Variants in PAPPA2 observed in about 807,000 individuals in gnomAD.
PAPPA2 encodes the protein pappalysin-2.
PAPPA2 carries 86 observed loss-of-function variants against 176.4 expected under a neutral mutation model. The observed-to-expected ratio is 0.49, with a 90% CI of 0.41 to 0.58. The LOEUF (loss-of-function observed/expected upper bound fraction) is 0.58. Among genes scored for constraint, PAPPA2 ranks in the 20% least tolerant of loss-of-function variants. The probability of loss-of-function intolerance (pLI) is 0.00; values close to 1 mark genes in which losing one functional copy is unlikely to be tolerated. For synonymous variants in PAPPA2, 809 were observed against 852.2 expected, an observed-to-expected ratio of 0.95 and a Z score of 0.88; for missense variants, 2,073 against 2,256.9, an observed-to-expected ratio of 0.92 and a Z score of 1.65.
chr1:176,771,213 A>G, intron 17 of PAPPA2, 33 bp downstream of exon 17: 1 of 1,590,054 alleles, frequency 6.3e-7, no homozygotes, highest in Non-Finnish European at 8.6e-7. Context: ...TTGGAGTTCT[A>G]CCTACCTCGC....
intron 17 of PAPPA2, among the ~76,000 whole-genome samples, chr1:176,777,486 A>C (rs1571312530): frequency 6.6e-6 from 1 of 152,190 alleles, no homozygotes; most frequent in African/African-American, 2.4e-5. Flanking sequence ...TTTTAGAATT[A>C]AACACATCCC....
chr1:176,535,727 AG>A (rs1018647527), intron 1 of PAPPA2, among the ~76,000 whole-genome samples: 26 of 152,332 alleles, frequency 1.7e-4, no homozygotes, highest in Admixed American at 7.8e-4. Flanking sequence ...GGCTTGGAAA[AG>A]TTTGTGTCAC....
At chr1:176,553,167 T>A (rs1651064370) in intron 1 of PAPPA2, among the ~76,000 whole-genome samples, 1 of 150,776 alleles carries the variant, frequency 6.6e-6, no homozygotes, top group South Asian at 2.1e-4. Context: ...ATTATTTGAA[T>A]CCAGCCCACC....
At chr1:176,793,738 T>C (rs1665293378) in intron 20 of PAPPA2, 69 bp downstream of exon 20, 3 of 1,243,994 alleles carry the variant, frequency 2.4e-6, no homozygotes, top group Non-Finnish European at 3.4e-6. Flanking sequence ...GCATTATTTT[T>C]TGGAGTAATT....
chr1:176,529,665 G>A (rs773662214), intron 1 of PAPPA2, among the ~76,000 whole-genome samples: 65 of 152,292 alleles, frequency 4.3e-4, no homozygotes, highest in Admixed American at 1.1e-3. Flanking sequence ...GTGCCCTGAC[G>A]TTGCATTCTC....
chr1:176,592,329 C>A (rs1653718404), intron 2 of PAPPA2, among the ~76,000 whole-genome samples: 1 of 152,118 alleles, frequency 6.6e-6, no homozygotes, highest in African/African-American at 2.4e-5. Context: ...AATAATACTT[C>A]TACATACTGG....
intron 3 of PAPPA2, among the ~76,000 whole-genome samples, chr1:176,613,281 T>C (rs1655032425): frequency 6.6e-6 from 1 of 152,228 alleles, no homozygotes; most frequent in Non-Finnish European, 1.5e-5. Flanking sequence ...TGCCACCAGG[T>C]AAATTCTGAA....
chr1:176,705,050 T>G (rs1660820148), intron 9 of PAPPA2, among the ~76,000 whole-genome samples: 1 of 152,152 alleles, frequency 6.6e-6, no homozygotes. Context: ...GTTGCCGACC[T>G]CCAAGATTAT....
intron 14 of PAPPA2, among the ~76,000 whole-genome samples, chr1:176,759,803 T>C (rs1399826384): frequency 6.6e-6 from 1 of 152,192 alleles, no homozygotes. Flanking sequence ...TATCTGCAAA[T>C]AATGATGTCT....
At chr1:176,528,418 A>G (rs1260811381) in intron 1 of PAPPA2, among the ~76,000 whole-genome samples, 1 of 152,216 alleles carries the variant, frequency 6.6e-6, no homozygotes, top group Non-Finnish European at 1.5e-5. Context: ...CTTATACCTA[A>G]GGAGGTGAGC....
At position 176,659,278 on chromosome 1, in the gene PAPPA2, T is replaced by C. The variant is rs1265521226; in HGVS notation, c.1992-11692T>C. The stretch of plus-strand genomic sequence containing the variant: ...AGCTAGAAGTCCAAGATCAGCAGGG[T>C]TGGTTCTTTCTGAGGGCTGTGAGGG... On this transcript the variant is annotated intron_variant, in intron 3 of 22. Transcript: ENST00000367662. Among the ~76,000 whole-genome samples the C allele has an allele frequency of 2.0e-5, 3 of 151,934 alleles. No individual in the cohort carries two copies. The East Asian group carries it at 5.8e-4, about 30-fold the overall frequency.
chr1:176,585,017 C>T (rs76740463), intron 2 of PAPPA2, among the ~76,000 whole-genome samples: 45 of 152,302 alleles, frequency 3.0e-4, no homozygotes, highest in Non-Finnish European at 5.0e-4. Context: ...GGATTACAGG[C>T]GTGAGCCACT....
chr1:176,514,033 G>C (rs1453548234), intron 1 of PAPPA2, among the ~76,000 whole-genome samples: 2 of 152,274 alleles, frequency 1.3e-5, no homozygotes, highest in East Asian at 3.9e-4. Context: ...GACTATTTCA[G>C]AGAGACAACA....
At chr1:176,616,989 G>C (rs1336095941) in intron 3 of PAPPA2, among the ~76,000 whole-genome samples, 1 of 152,166 alleles carries the variant, frequency 6.6e-6, no homozygotes, top group Admixed American at 6.5e-5. Context: ...GTAATACTGA[G>C]GCAACAAACA....
At chr1:176,729,607 A>G (rs899521090) in intron 12 of PAPPA2, among the ~76,000 whole-genome samples, 1 of 152,076 alleles carries the variant, frequency 6.6e-6, no homozygotes, top group African/African-American at 2.4e-5. Context: ...CTAACATCGC[A>G]ATTAGAAGAA....
chr1:176,634,745 G>A (rs1384132825), intron 3 of PAPPA2, among the ~76,000 whole-genome samples: 2 of 151,588 alleles, frequency 1.3e-5, no homozygotes, highest in African/African-American at 4.8e-5. Flanking sequence ...AGAGATAGAA[G>A]TTTCATTGAT....
At position 176,844,210 on chromosome 1, in the gene PAPPA2, C is replaced by G. The variant is rs575512944; in HGVS notation, c.*1756C>G. On this transcript the variant is annotated 3_prime_UTR_variant, in exon 23 of 23. Transcript: ENST00000367662. The stretch of plus-strand genomic sequence containing the variant: ...TTAAAGTTTCTTCTCCAATGGAAAC[C>G]AAGAACAGACAAAATTTAGAGCTCA... 2.0e-5 allele frequency: 3 copies of G among 152,050 alleles called. No homozygotes were observed. Among genetic ancestry groups the G allele is most frequent in the Non-Finnish European group, 2.9e-5 (2 of 67,994 alleles). The allele number at this position is 152,050 out of a possible 1,614,324, so 9.4% of individuals were successfully genotyped here.
chr1:176,831,902 A>G (rs1571393383), intron 21 of PAPPA2, among the ~76,000 whole-genome samples: 1 of 152,056 alleles, frequency 6.6e-6, no homozygotes, highest in Non-Finnish European at 1.5e-5. Context: ...TTCTGTTTTT[A>G]TAAGTTTCAA....
intron 3 of PAPPA2, among the ~76,000 whole-genome samples, chr1:176,644,091 G>A (rs895529285): frequency 2.0e-5 from 3 of 151,832 alleles, no homozygotes; most frequent in Non-Finnish European, 1.5e-5. Context: ...GTTTACAAAT[G>A]ATAATATAAA....
Sources: gnomAD v4.1 joint callset for allele counts (sites outside exome capture counted in the v4.1 genomes callset) on GRCh38, gnomAD v4.1.1 for gene constraint, MANE v1.5 for transcripts, NCBI Gene and HGNC (gene_info 2026-07-23, HGNC 2026-07-21) for gene names.